Variants in TMEM164 observed in about 807,000 individuals in gnomAD.
TMEM164 encodes RP13-360B22.2.
TMEM164 carries 4 observed loss-of-function variants against 18.8 expected under a neutral mutation model. The observed-to-expected ratio is 0.21, with a 90% CI of 0.10 to 0.49. The LOEUF is 0.49. TMEM164 is among the 20% of genes least tolerant of loss of function. The probability of loss-of-function intolerance (pLI) is 0.98; values close to 1 mark genes in which losing one functional copy is unlikely to be tolerated. For synonymous variants in TMEM164, 86 were observed against 101.7 expected (o/e 0.85, Z 0.93); for missense variants, 108 against 239.9 (o/e 0.45, Z 3.63).
chrX:110,127,146 A>G (rs937671404), intron 4 of TMEM164, among the ~76,000 whole-genome samples: 5 of 110,854 alleles, frequency 4.5e-5, no homozygotes, highest in Non-Finnish European at 9.4e-5. Context: ...CTGTTGGCAG[A>G]TGCATGGTGA....
chrX:110,056,524 C>T (rs1351199620), intron 2 of TMEM164, among the ~76,000 whole-genome samples: 1 of 111,694 alleles, frequency 9.0e-6, no homozygotes, highest in African/African-American at 3.3e-5. Context: ...TTTTTATTTC[C>T]CTTGGACATA....
chrX:110,120,088 G>C (rs975791933), intron 4 of TMEM164, among the ~76,000 whole-genome samples: 5 of 111,840 alleles, frequency 4.5e-5, no homozygotes, highest in African/African-American at 1.3e-4. Flanking sequence ...CTCCTTTTTG[G>C]GTTTTCAAAT....
chrX:110,154,461 C>T (rs1166893958), intron 5 of TMEM164, among the ~76,000 whole-genome samples: 2 of 110,766 alleles, frequency 1.8e-5, no homozygotes, highest in Non-Finnish European at 3.8e-5. Context: ...ACTGTGTCAC[C>T]CTGGCTGGAG....
At chrX:110,079,278 A>G (rs1402649239) in intron 3 of TMEM164, among the ~76,000 whole-genome samples, 1 of 111,510 alleles carries the variant, frequency 9.0e-6, no homozygotes, top group Non-Finnish European at 1.9e-5. Flanking sequence ...TTTTCACTAA[A>G]GCTTTGGCTG....
chrX:110,169,205 G>A (rs2067197862), intron 5 of TMEM164, among the ~76,000 whole-genome samples: 1 of 111,427 alleles, frequency 9.0e-6, no homozygotes, highest in Non-Finnish European at 1.9e-5. Context: ...GTCTAAACTT[G>A]GCCTCATCAT....
intron 4 of TMEM164, among the ~76,000 whole-genome samples, chrX:110,143,771 C>T (rs1211454753): frequency 9.1e-6 from 1 of 109,896 alleles, no homozygotes; most frequent in Non-Finnish European, 1.9e-5. Context: ...ACCCTTTCCC[C>T]TGGGTGCCTT....
At chrX:110,147,801 C>T (rs1165244091) in intron 5 of TMEM164, among the ~76,000 whole-genome samples, 1 of 110,838 alleles carries the variant, frequency 9.0e-6, no homozygotes, top group African/African-American at 3.3e-5. Context: ...CTCAGCATTC[C>T]CTTCTTTTCA....
At chrX:110,022,199 A>ATGTGTGTGTGTGTGTGTGTG (rs754713777) in intron 2 of TMEM164, among the ~76,000 whole-genome samples, 19 of 107,615 alleles carry the variant, frequency 1.8e-4, no homozygotes, top group African/African-American at 5.1e-4. Flanking sequence ...ACCACTAGAA[A>ATGTGTGTGTGTGTGTGTGTG]TGTGTGTGTG....
intron 3 of TMEM164, among the ~76,000 whole-genome samples, chrX:110,081,474 G>A (rs2147889076): frequency 8.9e-6 from 1 of 111,737 alleles, no homozygotes; most frequent in East Asian, 2.8e-4. Flanking sequence ...ATTAATAGTA[G>A]TTTGGTCAAG....
At chrX:110,139,862 G>A (rs2066743416) in intron 4 of TMEM164, among the ~76,000 whole-genome samples, 1 of 110,514 alleles carries the variant, frequency 9.0e-6, no homozygotes. Flanking sequence ...AATTGTGAGA[G>A]TAGGGATATT....
chrX:110,028,216 T>C (rs1199036070), intron 2 of TMEM164, among the ~76,000 whole-genome samples: 1 of 112,578 alleles, frequency 8.9e-6, no homozygotes, highest in Non-Finnish European at 1.9e-5. Context: ...AAAAGATTTC[T>C]TCCTTTTCTC....
intron 3 of TMEM164, among the ~76,000 whole-genome samples, chrX:110,085,697 A>G (rs1244376011): frequency 9.0e-6 from 1 of 110,652 alleles, no homozygotes; most frequent in African/African-American, 3.3e-5. Context: ...GGAATCGTCT[A>G]CCCCTACTAC....
intron 3 of TMEM164, among the ~76,000 whole-genome samples, chrX:110,092,518 A>G (rs1159498274): frequency 9.0e-6 from 1 of 111,379 alleles, no homozygotes; most frequent in African/African-American, 3.3e-5. Flanking sequence ...TTTGTCTGTT[A>G]TTGGTGTATA....
intron 5 of TMEM164, among the ~76,000 whole-genome samples, chrX:110,164,248 T>C (rs1364200278): frequency 7.2e-5 from 8 of 111,202 alleles, no homozygotes; most frequent in Non-Finnish European, 3.8e-5. Context: ...TCCAGCTGAG[T>C]ATCATTCCAT....
At chrX:110,038,218 C>G (rs1406995686) in intron 2 of TMEM164, among the ~76,000 whole-genome samples, 1 of 110,815 alleles carries the variant, frequency 9.0e-6, no homozygotes, top group Non-Finnish European at 1.9e-5. Context: ...GTCTCGATCT[C>G]CTGACCTCGT....
intron 3 of TMEM164, among the ~76,000 whole-genome samples, chrX:110,095,864 T>C (rs1205138222): frequency 2.7e-5 from 3 of 112,414 alleles, no homozygotes; most frequent in Non-Finnish European, 5.6e-5. Flanking sequence ...GATGGGGTTT[T>C]GGTGTTGATG....
intron 2 of TMEM164, among the ~76,000 whole-genome samples, chrX:110,060,928 T>G (rs956804312): frequency 8.9e-6 from 1 of 112,299 alleles, no homozygotes; most frequent in African/African-American, 3.2e-5. Flanking sequence ...ACTAGGTACC[T>G]CAAGCATTTA....
intron 3 of TMEM164, among the ~76,000 whole-genome samples, chrX:110,095,500 T>C (rs1033551052): frequency 1.8e-5 from 2 of 112,331 alleles, no homozygotes; most frequent in African/African-American, 6.5e-5. Context: ...ATGTGTCACC[T>C]AGTTCTCATG....
intron 2 of TMEM164, among the ~76,000 whole-genome samples, chrX:110,050,066 C>T (rs1168659712): frequency 8.9e-6 from 1 of 111,990 alleles, no homozygotes; most frequent in African/African-American, 3.2e-5. Context: ...TGCATGTTTT[C>T]CTTCAAACCA....
Sources: allele counts gnomAD v4.1 joint callset (sites outside exome capture counted in the v4.1 genomes callset), GRCh38; gene constraint gnomAD v4.1.1; transcripts MANE v1.5; gene names NCBI Gene and HGNC (gene_info 2026-07-23, HGNC 2026-07-21).